Variants in SORBS2 observed in about 807,000 individuals in gnomAD.
The protein encoded by SORBS2 is sorbin and SH3 domain containing 2, also known as sorbin and SH3 domain-containing protein 2.
SORBS2 carries 46 observed loss-of-function variants against 97.7 expected under a neutral mutation model. The observed-to-expected ratio is 0.47, with a 90% CI of 0.37 to 0.60. SORBS2 has a LOEUF of 0.60. SORBS2 is among the 20% of genes least tolerant of loss of function. The pLI is 0.00. For missense variants in SORBS2, 1,316 were observed against 1,282.3 expected (o/e 1.03, Z -0.40); for synonymous variants, 476 against 473.4 (o/e 1.01, Z -0.07).
intron 1 of SORBS2, among the ~76,000 whole-genome samples, chr4:185,828,928 TTC>T (rs1443735469): frequency 6.6e-6 from 1 of 152,178 alleles, no homozygotes. Flanking sequence ...GGAATCTGCC[TTC>T]TCACAGCTTT....
At chr4:185,731,082 T>A (rs2098619333) in intron 2 of SORBS2, among the ~76,000 whole-genome samples, 1 of 152,228 alleles carries the variant, frequency 6.6e-6, no homozygotes. Context: ...TTTATAGCTT[T>A]ATTTTATTTT....
At chr4:185,813,503 C>T (rs2099190479) in intron 1 of SORBS2, among the ~76,000 whole-genome samples, 1 of 152,106 alleles carries the variant, frequency 6.6e-6, no homozygotes, top group African/African-American at 2.4e-5. Context: ...TACCTTTTCT[C>T]ACTGAAGTTC....
At chr4:185,593,568 A>C (rs1348963430) in intron 13 of SORBS2, 1 of 301,452 alleles carries the variant, frequency 3.3e-6, no homozygotes, top group African/African-American at 2.2e-5. Flanking sequence ...ATGTCTTTGA[A>C]GCTCGCAGTT....
In SORBS2 at chr4:185,716,872, C is replaced by T. The variant is rs186777313; in HGVS notation, c.-197-38050G>A. On this transcript the variant is annotated intron_variant, in intron 2 of 20. Transcript: ENST00000284776. ...GGATGCTGTGAGCGGTCCACCCCTG[C>T]ATGACAGATGTCCCTTTACAGAAAA... Among the ~76,000 whole-genome samples the T allele has an allele frequency of 9.0e-4, 137 of 152,296 alleles. 1 individual carries two copies. Among genetic ancestry groups the T allele is most frequent in the Admixed American group, 2.7e-3 (42 of 15,304 alleles).
At chr4:185,736,720 G>A (rs2098690046) in intron 2 of SORBS2, among the ~76,000 whole-genome samples, 1 of 152,134 alleles carries the variant, frequency 6.6e-6, no homozygotes, top group South Asian at 2.1e-4. Context: ...ATGACACCAG[G>A]GTGTGTCGAG....
intron 2 of SORBS2, among the ~76,000 whole-genome samples, chr4:185,688,025 T>C (rs2098004057): frequency 6.6e-6 from 1 of 152,218 alleles, no homozygotes. Context: ...AAGCTGTTCC[T>C]ACTGCTGGAA....
intron 1 of SORBS2, among the ~76,000 whole-genome samples, chr4:185,807,289 T>A (rs2099161035): frequency 6.6e-6 from 1 of 152,216 alleles, no homozygotes; most frequent in Admixed American, 6.5e-5. Flanking sequence ...GTTTTTGTTT[T>A]TTTGAGGTGG....
At chr4:185,658,871 C>T (rs34801592), upstream of SORBS2, among the ~76,000 whole-genome samples, 1 of 151,484 alleles carries the variant, frequency 6.6e-6, no homozygotes, top group Non-Finnish European at 1.5e-5. Flanking sequence ...AAAATACAAA[C>T]AATTTTTTGT....
At chr4:185,843,141 A>G (rs1382325087) in intron 1 of SORBS2, among the ~76,000 whole-genome samples, 2 of 152,104 alleles carry the variant, frequency 1.3e-5, no homozygotes, top group Non-Finnish European at 2.9e-5. Context: ...AAGACTTTGT[A>G]GAACAACTAC....
intron 12 of SORBS2, among the ~76,000 whole-genome samples, chr4:185,600,623 G>A (rs1453033367): frequency 1.3e-5 from 2 of 152,218 alleles, no homozygotes; most frequent in African/African-American, 4.8e-5. Flanking sequence ...ACAGGTGTCA[G>A]CCACTGCGCC....
At chr4:185,669,210 A>G (rs2097669344) in intron 4 of SORBS2, among the ~76,000 whole-genome samples, 1 of 152,232 alleles carries the variant, frequency 6.6e-6, no homozygotes, top group African/African-American at 2.4e-5. Flanking sequence ...TGCAAACTCA[A>G]GTGCCCATCA....
At chr4:185,745,483 C>T (rs1365126239) in intron 2 of SORBS2, among the ~76,000 whole-genome samples, 1 of 152,164 alleles carries the variant, frequency 6.6e-6, no homozygotes, top group East Asian at 1.9e-4. Flanking sequence ...GGACTGAAGC[C>T]ACAGTGGGCT....
Position 185,738,863 on chromosome 4 carries a change from T to C in SORBS2, c.-198+36364A>G, listed in dbSNP as rs542754042. Among the ~76,000 whole-genome samples the C allele has an allele frequency of 2.0e-5, 3 of 152,368 alleles. No individual in the cohort carries two copies. The East Asian group carries it at 5.8e-4, about 29-fold the overall frequency. Reference sequence around the variant, plus strand: ...TCACTCTCCACATACTGTTTCCTTTTATTAGAAAGCATTCAAGAAGAATTG... The same window carrying C: ...TCACTCTCCACATACTGTTTCCTTTCATTAGAAAGCATTCAAGAAGAATTG... On this transcript the variant is annotated intron_variant, in intron 2 of 20. Coordinates refer to the SORBS2 transcript ENST00000284776.
chr4:185,920,594 T>C (rs1390770701), intron 1 of SORBS2, among the ~76,000 whole-genome samples: 4 of 152,166 alleles, frequency 2.6e-5, no homozygotes, highest in Admixed American at 1.3e-4. Context: ...ATTCCAGCCA[T>C]CCAACAGTCC....
chr4:185,904,794 T>G (rs1458284992), intron 1 of SORBS2, among the ~76,000 whole-genome samples: 2 of 152,030 alleles, frequency 1.3e-5, no homozygotes, highest in Non-Finnish European at 2.9e-5. Flanking sequence ...AAGTGAGAAG[T>G]GCAACTACCT....
intron 1 of SORBS2, among the ~76,000 whole-genome samples, chr4:185,899,438 T>A (rs868556354): frequency 4.6e-5 from 7 of 152,176 alleles, no homozygotes; most frequent in Non-Finnish European, 7.3e-5. Flanking sequence ...AGTTTATTTT[T>A]ATTTTTTTTA....
At chr4:185,915,223 C>T (rs931675090) in intron 1 of SORBS2, among the ~76,000 whole-genome samples, 7 of 152,148 alleles carry the variant, frequency 4.6e-5, no homozygotes, top group East Asian at 3.8e-4. Context: ...TAAAGAGACC[C>T]GAATGGAACT....
intron 1 of SORBS2, among the ~76,000 whole-genome samples, chr4:185,822,859 A>G (rs566874916): frequency 1.3e-4 from 20 of 152,356 alleles, no homozygotes; most frequent in African/African-American, 4.8e-4. Flanking sequence ...ATTTTAAGCT[A>G]GAATTTTCCA....
intron 1 of SORBS2, among the ~76,000 whole-genome samples, chr4:185,925,408 CA>C (rs1051379441): frequency 6.3e-5 from 9 of 141,754 alleles, no homozygotes; most frequent in African/African-American, 1.7e-4. Context: ...CAAAATAGCA[CA>C]TTTTTTTTCT....
Sources: allele counts gnomAD v4.1 joint callset (sites outside exome capture counted in the v4.1 genomes callset), GRCh38; gene constraint gnomAD v4.1.1; transcripts MANE v1.5; gene names NCBI Gene and HGNC (gene_info 2026-07-23, HGNC 2026-07-21).